DGKH: variants seen among roughly 807,000 people sequenced by gnomAD.
DGKH encodes diacylglycerol kinase eta, also known as DAG kinase eta.
Under a neutral mutation model 159.3 loss-of-function variants are expected in DGKH, and 90 were observed. The ratio of observed to expected loss-of-function variants is 0.57; its 90% confidence interval spans 0.48 to 0.67. The LOEUF (loss-of-function observed/expected upper bound fraction) is 0.67. Among genes scored for constraint, DGKH ranks in the 30% least tolerant of loss-of-function variants. DGKH has a pLI of 0.00. For missense variants in DGKH, 1,181 were observed against 1,506.1 expected, an observed-to-expected ratio of 0.78 and a Z score of 3.57; for synonymous variants, 536 against 553.8, an observed-to-expected ratio of 0.97 and a Z score of 0.45.
downstream of DGKH, among the ~76,000 whole-genome samples, chr13:42,244,878 T>C (rs1425079859): frequency 9.2e-6 from 1 of 108,300 alleles, no homozygotes; most frequent in Non-Finnish European, 1.7e-5. Flanking sequence ...CACTCCAGCC[T>C]GGGCGACAGA....
At chr13:42,168,613 T>C (rs1270096798) in intron 10 of DGKH, 65 bp downstream of exon 10, 1 of 1,613,394 alleles carries the variant, frequency 6.2e-7, no homozygotes, top group Admixed American at 1.7e-5. Context: ...ACCAGAGAGG[T>C]GCAGAAATGC....
chr13:42,140,590 A>G (rs1050329757), intron 3 of DGKH: 7 of 152,196 alleles, frequency 4.6e-5, no homozygotes, highest in Non-Finnish European at 7.3e-5. Flanking sequence ...ACTCTGTTAT[A>G]CAGAGGCTTC....
At chr13:42,096,800 A>G (rs1431493933) in intron 1 of DGKH, among the ~76,000 whole-genome samples, 5 of 152,236 alleles carry the variant, frequency 3.3e-5, no homozygotes, top group Non-Finnish European at 7.3e-5. Flanking sequence ...TGAGGGAACC[A>G]CATGAGAAAG....
rs764452206 is a variant in DGKH at position 42,189,241 on chromosome 13, G to C, written c.1844G>C (p.Arg615Thr). The C allele has an allele frequency of 6.2e-7, 1 of 1,614,224 alleles. No homozygotes were observed. The highest frequency in any genetic ancestry group is 1.1e-5 in the South Asian group (1 of 91,084). The change falls in exon 15 of 30, where the codon AGG becomes ACG. Residue 615 changes from arginine (R) to threonine (T), a missense_variant. Arg to Thr is a moderately conservative substitution (Grantham distance 71, BLOSUM62 -1). This residue lies in a region of DGKH where 257 missense variants were observed against 281.5 expected (regional missense o/e 0.91). Transcript: ENST00000337343. ...TCCTCCCAGAAAGCCGTCAAACCAAGGGAAATCATGTTGCGGGCAAATAGT... is the reference window on the plus strand; with the variant it reads ...TCCTCCCAGAAAGCCGTCAAACCAACGGAAATCATGTTGCGGGCAAATAGT... Reference protein sequence around the residue: ...KPSSQKAVKPREIMLRANSLK... With the variant: ...KPSSQKAVKPTEIMLRANSLK...
At chr13:42,073,698 G>T (rs1001351401) in intron 1 of DGKH, among the ~76,000 whole-genome samples, 1 of 152,188 alleles carries the variant, frequency 6.6e-6, no homozygotes, top group Non-Finnish European at 1.5e-5. Flanking sequence ...GGTTTAAGAG[G>T]ATGTAATGCC....
chr13:42,057,242 A>G (rs1050909307), intron 1 of DGKH, among the ~76,000 whole-genome samples: 1 of 152,176 alleles, frequency 6.6e-6, no homozygotes, highest in African/African-American at 2.4e-5. Context: ...ATGTGAAGTA[A>G]TTTTCCACAT....
chr13:42,170,376 G>T (rs1410482654), intron 11 of DGKH, among the ~76,000 whole-genome samples: 10 of 152,014 alleles, frequency 6.6e-5, no homozygotes, highest in Admixed American at 5.9e-4. Context: ...TTGCACCACT[G>T]CCCTACAATC....
chr13:42,047,654 C>T (rs1468922459), upstream of DGKH, among the ~76,000 whole-genome samples: 1 of 152,214 alleles, frequency 6.6e-6, no homozygotes, highest in African/African-American at 2.4e-5. Flanking sequence ...TTCCCAAGTG[C>T]CCGCGCAGCC....
chr13:42,075,818 A>G (rs1954084378), intron 1 of DGKH, among the ~76,000 whole-genome samples: 1 of 152,122 alleles, frequency 6.6e-6, no homozygotes, highest in Non-Finnish European at 1.5e-5. Flanking sequence ...TTACAAGCTC[A>G]TTGTCACCTT....
At chr13:42,195,442 C>T (rs1043652541) in intron 17 of DGKH, among the ~76,000 whole-genome samples, 8 of 152,130 alleles carry the variant, frequency 5.3e-5, no homozygotes, top group Non-Finnish European at 8.8e-5. Flanking sequence ...GCGGAGGGTG[C>T]GGTAAGCTGA....
At chr13:42,218,482 A>G (rs1957866714) in intron 26 of DGKH, among the ~76,000 whole-genome samples, 1 of 137,252 alleles carries the variant, frequency 7.3e-6, no homozygotes, top group Non-Finnish European at 1.6e-5. Context: ...TTTAAAAAGT[A>G]TTATTTGTTC....
At chr13:42,186,222 A>G (rs936963982) in intron 13 of DGKH, among the ~76,000 whole-genome samples, 2 of 152,240 alleles carry the variant, frequency 1.3e-5, no homozygotes, top group Non-Finnish European at 2.9e-5. Flanking sequence ...AAGCAATACT[A>G]TGATTTAAAA....
At chr13:42,083,696 C>A (rs1954253259) in intron 1 of DGKH, among the ~76,000 whole-genome samples, 1 of 152,084 alleles carries the variant, frequency 6.6e-6, no homozygotes, top group Non-Finnish European at 1.5e-5. Flanking sequence ...GGGTCACTAA[C>A]CCACCCACTA....
intron 16 of DGKH, among the ~76,000 whole-genome samples, chr13:42,192,417 T>C (rs1053456953): frequency 6.6e-6 from 1 of 152,200 alleles, no homozygotes; most frequent in Non-Finnish European, 1.5e-5. Context: ...GTTTTATGAA[T>C]GATAGTTTGA....
chr13:42,085,796 AG>A (rs1954289986), intron 1 of DGKH, among the ~76,000 whole-genome samples: 1 of 152,240 alleles, frequency 6.6e-6, no homozygotes, highest in Non-Finnish European at 1.5e-5. Context: ...GTATGTTTGA[AG>A]TCCATAGTCT....
chr13:42,107,569 G>A (rs1954783439), intron 1 of DGKH, among the ~76,000 whole-genome samples: 1 of 152,160 alleles, frequency 6.6e-6, no homozygotes, highest in Non-Finnish European at 1.5e-5. Context: ...GGATTAATTA[G>A]ACAGGGGGCT....
chr13:42,192,546 C>T (rs1957101891), intron 16 of DGKH, among the ~76,000 whole-genome samples: 1 of 151,376 alleles, frequency 6.6e-6, no homozygotes, highest in Admixed American at 6.6e-5. Context: ...CTTCCTTCTC[C>T]TCCTCCTCCT....
intron 1 of DGKH, among the ~76,000 whole-genome samples, chr13:42,051,920 T>C (rs1209025818): frequency 6.6e-6 from 1 of 152,084 alleles, no homozygotes; most frequent in African/African-American, 2.4e-5. Context: ...CCACCTTGGC[T>C]TCCCAAAGTG....
chr13:42,107,944 GTA>G (rs1954792248), intron 1 of DGKH, among the ~76,000 whole-genome samples: 1 of 152,132 alleles, frequency 6.6e-6, no homozygotes, highest in African/African-American at 2.4e-5. Flanking sequence ...GTCTAAAATG[GTA>G]CTTTCTGTCT....
Sources: gnomAD v4.1 joint callset for allele counts (sites outside exome capture counted in the v4.1 genomes callset) on GRCh38, gnomAD v4.1.1 for gene constraint, gnomAD v4.1.1 regional missense constraint, MANE v1.5 for transcripts, NCBI Gene and HGNC (gene_info 2026-07-23, HGNC 2026-07-21) for gene names.